ARID4B: variants seen among roughly 807,000 people sequenced by gnomAD.
ARID4B encodes the protein AT-rich interaction domain 4B.
In ARID4B, 26 loss-of-function variants were observed where a neutral mutation model predicts 147.5. The ratio of observed to expected loss-of-function variants is 0.18; its 90% CI spans 0.13 to 0.24. The LOEUF (loss-of-function observed/expected upper bound fraction) is 0.24, where lower values mean the gene tolerates loss of function less well. Ranked by LOEUF, ARID4B falls within the 10% of genes least tolerant of loss-of-function variation. The probability of loss-of-function intolerance (pLI) is 1.00; values close to 1 mark genes in which losing one functional copy is unlikely to be tolerated. For missense variants in ARID4B, 1,179 were observed against 1,511.5 expected (o/e 0.78, Z 3.65); for synonymous variants, 512 against 507.9 (o/e 1.01, Z -0.11).
At chr1:235,184,522 C>T (rs1664541316) in intron 19 of ARID4B, among the ~76,000 whole-genome samples, 1 of 152,200 alleles carries the variant, frequency 6.6e-6, no homozygotes, top group African/African-American at 2.4e-5. Context: ...CCAGAACTTA[C>T]AACCTTAACT....
In ARID4B at chr1:235,181,607, T is replaced by C; in HGVS notation, c.3312A>G (p.Pro1104=). The change falls in exon 20 of 24, where the codon CCA becomes CCG. Residue 1104 remains proline, a synonymous_variant. Coordinates refer to ENST00000264183, the MANE Select transcript of ARID4B (RefSeq NM_016374.6). ...CACCTTTTTCAGGATGTTCTGGTTC[T>C]GGCTGATTACTACTGCTTGAGCTCA... ...ASVSSSSSNQ[P]EPEHPEKACT... 1 of 1,613,288 alleles carries C rather than the reference T, an allele frequency of 6.2e-7. No homozygotes were observed. Among genetic ancestry groups the C allele is most frequent in the Non-Finnish European group, 8.5e-7 (1 of 1,180,000 alleles).
chr1:235,213,707 T>C, intron 17 of ARID4B, 62 bp downstream of exon 17: 1 of 1,502,700 alleles, frequency 6.7e-7, no homozygotes, highest in Non-Finnish European at 8.9e-7. Flanking sequence ...CTTAAGTTTT[T>C]AAATAGAAAA....
At chr1:235,214,363 TTAACATC>T (rs1666912990) in intron 16 of ARID4B, among the ~76,000 whole-genome samples, 1 of 152,206 alleles carries the variant, frequency 6.6e-6, no homozygotes, top group South Asian at 2.1e-4. Flanking sequence ...TAAAAGTGTT[TTAACATC>T]TCAATTGACA....
In ARID4B at chr1:235,195,535, T is replaced by C. The variant is rs895839768; in HGVS notation, c.1926+496A>G. Reference sequence around the variant, plus strand: ...TTGAACTGGGAGGTGGAGGTTGCAGTGAGCCGAGGTTGCACCACTGTACTC... The same window carrying C: ...TTGAACTGGGAGGTGGAGGTTGCAGCGAGCCGAGGTTGCACCACTGTACTC... On this transcript the variant is annotated intron_variant, in intron 18 of 23. Transcript: ENST00000264183. Among the ~76,000 whole-genome samples, 4 of 150,788 alleles carry C rather than the reference T, an allele frequency of 2.7e-5. No individual in the cohort carries two copies. In the East Asian group the frequency reaches 7.8e-4, roughly 29 times the overall value.
intron 2 of ARID4B, among the ~76,000 whole-genome samples, chr1:235,272,702 T>C: frequency 6.7e-6 from 1 of 150,370 alleles, no homozygotes; most frequent in African/African-American, 2.4e-5. Context: ...ATATTATACA[T>C]TTATTACATA....
intron 2 of ARID4B, among the ~76,000 whole-genome samples, chr1:235,294,330 T>TTTTTG (rs1672535790): frequency 6.8e-6 from 1 of 146,990 alleles, no homozygotes; most frequent in Non-Finnish European, 1.5e-5. Flanking sequence ...TTTTTTTTTT[T>TTTTTG]GAGACAGAGT....
intron 22 of ARID4B, among the ~76,000 whole-genome samples, chr1:235,173,770 AAATATATATATATATATATATATATATAT>A (rs1159759630): frequency 3.5e-4 from 13 of 37,482 alleles, no homozygotes; most frequent in East Asian, 1.3e-3. Flanking sequence ...AAAAAAAAAA[AAATATATATATATATATATATATATATAT>A]ATATATATAT....
intron 2 of ARID4B, among the ~76,000 whole-genome samples, chr1:235,288,724 G>A (rs1454765460): frequency 6.6e-6 from 1 of 152,092 alleles, no homozygotes; most frequent in African/African-American, 2.4e-5. Flanking sequence ...GCTGCTTCTG[G>A]GTAGGTATCA....
intron 19 of ARID4B, among the ~76,000 whole-genome samples, chr1:235,183,103 G>GA: frequency 6.6e-6 from 1 of 150,924 alleles, no homozygotes; most frequent in East Asian, 2.0e-4. Flanking sequence ...AAATAAAAAA[G>GA]AAAAAAGCTT....
intron 17 of ARID4B, 67 bp from the exon 18 acceptor site, chr1:235,196,182 A>C: frequency 1.4e-6 from 1 of 738,216 alleles, no homozygotes; most frequent in East Asian, 3.1e-5. Flanking sequence ...ATGCCATATT[A>C]AAGAGAAACT....
At chr1:235,253,380 C>T (rs972606498) in intron 5 of ARID4B, among the ~76,000 whole-genome samples, 1 of 152,098 alleles carries the variant, frequency 6.6e-6, no homozygotes, top group Non-Finnish European at 1.5e-5. Context: ...TCAGTAGCAC[C>T]CCCTTCCCAG....
In ARID4B at chr1:235,181,801, G is replaced by A. The variant is rs933266227; in HGVS notation, c.3118C>T (p.Arg1040Trp). 2.5e-6 allele frequency: 4 copies of A among 1,614,162 alleles called. No individual in the cohort carries two copies. Among genetic ancestry groups the A allele is most frequent in the East Asian group, 2.2e-5 (1 of 44,886 alleles). Residue 1040 changes from arginine (R) to tryptophan (W), a missense_variant, in exon 20 of 24, where the codon CGG (arginine) becomes TGG (tryptophan). Physicochemically the swap from Arg to Trp is moderately radical, Grantham distance 101. Coordinates refer to ENST00000264183, the MANE Select transcript of ARID4B (RefSeq NM_016374.6). Reference sequence around the variant, plus strand: ...GATACTGTTACAGAAGACTGCTGCCGGCTGCCTTCTGTTACAGTGACTGAT... The same window carrying A: ...GATACTGTTACAGAAGACTGCTGCCAGCTGCCTTCTGTTACAGTGACTGAT... ...PSSVTVTEGSRQQSSVTVSEP... is the reference protein window; with the variant it reads ...PSSVTVTEGSWQQSSVTVSEP...
chr1:235,192,843 C>T (rs1054718117), intron 19 of ARID4B, among the ~76,000 whole-genome samples: 9 of 152,136 alleles, frequency 5.9e-5, no homozygotes, highest in East Asian at 1.9e-4. Context: ...CGGTGGCTCA[C>T]GCCTGTAATC....
At chr1:235,284,810 C>T (rs369552468) in intron 2 of ARID4B, among the ~76,000 whole-genome samples, 36 of 152,172 alleles carry the variant, frequency 2.4e-4, no homozygotes, top group African/African-American at 8.2e-4. Context: ...GAGAGGACTG[C>T]TTGAGGCCAG....
chr1:235,172,333 T>C (rs1049383275), intron 23 of ARID4B, among the ~76,000 whole-genome samples: 3 of 152,130 alleles, frequency 2.0e-5, no homozygotes, highest in Non-Finnish European at 4.4e-5. Flanking sequence ...TCTTAGCACT[T>C]TGGGAGGCCA....
intron 17 of ARID4B, among the ~76,000 whole-genome samples, chr1:235,211,227 A>G (rs1035191133): frequency 6.6e-6 from 1 of 152,106 alleles, no homozygotes; most frequent in African/African-American, 2.4e-5. Flanking sequence ...GCTACTCAGG[A>G]GACTGAGGCA....
intron 2 of ARID4B, among the ~76,000 whole-genome samples, chr1:235,263,798 T>C (rs1035068970): frequency 2.0e-5 from 3 of 150,914 alleles, no homozygotes; most frequent in Non-Finnish European, 3.0e-5. Flanking sequence ...CCATCCTGGC[T>C]AACACGGTGA....
At chr1:235,279,992 C>T (rs961255322) in intron 2 of ARID4B, among the ~76,000 whole-genome samples, 5 of 152,168 alleles carry the variant, frequency 3.3e-5, no homozygotes, top group African/African-American at 4.8e-5. Flanking sequence ...GCTGATAATG[C>T]TTCCTATCCT....
At chr1:235,266,276 T>C (rs1396232908) in intron 2 of ARID4B, among the ~76,000 whole-genome samples, 6 of 152,180 alleles carry the variant, frequency 3.9e-5, no homozygotes, top group Admixed American at 3.3e-4. Context: ...AAGATTCTTT[T>C]GACCAACACC....
Sources: gnomAD v4.1 joint callset for allele counts (sites outside exome capture counted in the v4.1 genomes callset) on GRCh38, gnomAD v4.1.1 for gene constraint, MANE v1.5 for transcripts, NCBI Gene and HGNC (gene_info 2026-07-23, HGNC 2026-07-21) for gene names.